Variants in YAF2 observed in about 807,000 individuals in gnomAD.
YAF2 encodes the protein YY1 associated factor 2, also known as YY1-associated factor 2.
YAF2 carries 7 observed loss-of-function variants against 20.1 expected under a neutral mutation model. The ratio of observed to expected loss-of-function variants is 0.35; its 90% CI spans 0.20 to 0.65. The LOEUF (loss-of-function observed/expected upper bound fraction) is 0.65. Ranked by LOEUF, YAF2 falls within the 30% of genes least tolerant of loss-of-function variation. The pLI, the probability that YAF2 is intolerant of heterozygous loss-of-function variation, is 0.69. For missense variants in YAF2, 151 were observed against 219.2 expected (o/e 0.69, Z 1.96); for synonymous variants, 74 against 76.0 (o/e 0.97, Z 0.14).
intron 2 of YAF2, among the ~76,000 whole-genome samples, chr12:42,208,949 C>CT (rs1485563798): frequency 6.6e-6 from 1 of 152,186 alleles, no homozygotes; most frequent in African/African-American, 2.4e-5. Context: ...CAGGACACCA[C>CT]TACGAGCTCT....
chr12:42,218,839 A>G (rs1161492458), intron 2 of YAF2, among the ~76,000 whole-genome samples: 2 of 152,310 alleles, frequency 1.3e-5, no homozygotes, highest in Admixed American at 6.5e-5. Context: ...CCTTAAAAAA[A>G]ACAAATGTGT....
rs544334090 is a variant in YAF2, at chr12:42,235,456, A to C, written c.152+2143T>G. 2.5e-6 allele frequency: 3 copies of C among 1,202,394 alleles called. No individual in the cohort carries two copies. In the South Asian group the frequency reaches 5.1e-5, roughly 21 times the overall value. 74.5% of individuals were successfully genotyped at this position (1,202,394 alleles called of 1,614,324 possible). A position where few individuals can be genotyped will look rare whatever the true frequency, so the allele number is the denominator to read the frequency against. On this transcript the variant is annotated intron_variant, in intron 2 of 3. Coordinates refer to ENST00000534854, the MANE Select transcript of YAF2 (RefSeq NM_005748.6). ...ACCCTGTTCCACACTGTTCTATACA[A>C]ACACAGATTCTACCCTGAATTTCAG...
Position 42,157,779 on chromosome 12 carries a change from C to CATATATATAT in YAF2, c.*2800_*2809dup, listed in dbSNP as rs141305278. 2.3e-4 allele frequency: 35 copies of CATATATATAT among 149,962 alleles called. No homozygotes were observed. Among genetic ancestry groups the CATATATATAT allele is most frequent in the African/African-American group, 8.3e-4 (34 of 40,860 alleles). The allele number at this position is 149,962 out of a possible 1,614,324, so 9.3% of individuals were successfully genotyped here. A position where few individuals can be genotyped will look rare whatever the true frequency, so the allele number is the denominator to read the frequency against. ...AAATTATATTCACTTTTTAAATATA[C>CATATATATAT]ATATATATATATATGTATATTCAAA... On this transcript the variant is annotated 3_prime_UTR_variant, in exon 4 of 4. Coordinates refer to ENST00000534854, the MANE Select transcript of YAF2 (RefSeq NM_005748.6).
chr12:42,185,300 T>A (rs749701052), intron 2 of YAF2, among the ~76,000 whole-genome samples: 1 of 152,230 alleles, frequency 6.6e-6, no homozygotes, highest in Non-Finnish European at 1.5e-5. Context: ...TTATTACAGA[T>A]AAACACACAA....
chr12:42,232,656 T>G, intron 2 of YAF2: 5 of 985,416 alleles, frequency 5.1e-6, no homozygotes, highest in Non-Finnish European at 6.0e-6. Context: ...TTTTCTCCCA[T>G]TCCTACACCA....
At chr12:42,222,209 G>C (rs2067536891) in intron 2 of YAF2, among the ~76,000 whole-genome samples, 1 of 152,028 alleles carries the variant, frequency 6.6e-6, no homozygotes, top group African/African-American at 2.4e-5. Flanking sequence ...AAAGATTTAA[G>C]GAAAACATAC....
At chr12:42,193,158 T>A (rs2066659478) in intron 2 of YAF2, among the ~76,000 whole-genome samples, 1 of 151,806 alleles carries the variant, frequency 6.6e-6, no homozygotes, top group Admixed American at 6.6e-5. Flanking sequence ...CTCCTAAAAA[T>A]ACAAAAATTA....
At position 42,175,922 on chromosome 12, in the gene YAF2, C is replaced by G. The variant is rs2066178298; in HGVS notation, c.153-14157G>C. Among the ~76,000 whole-genome samples, 3 of 151,978 alleles carry G rather than the reference C, an allele frequency of 2.0e-5. No individual in the cohort carries two copies. The South Asian group carries it at 6.2e-4, about 32-fold the overall frequency. The stretch of plus-strand genomic sequence containing the variant: ...TCAGCCCCAATGTCTCCCATAAACT[C>G]CAGACTTCTATAACCAACTACCTAC... On this transcript the variant is annotated intron_variant, in intron 2 of 3. Coordinates refer to ENST00000534854, the MANE Select transcript of YAF2 (RefSeq NM_005748.6).
intron 2 of YAF2, 74 bp from the exon 3 acceptor site, chr12:42,161,839 A>C: frequency 1.5e-4 from 205 of 1,330,504 alleles, no homozygotes; most frequent in Non-Finnish European, 1.9e-4. Context: ...AGAATATCTC[A>C]CATTATGAAA....
At chr12:42,200,140 T>C (rs2066859707) in intron 2 of YAF2, among the ~76,000 whole-genome samples, 1 of 152,204 alleles carries the variant, frequency 6.6e-6, no homozygotes, top group African/African-American at 2.4e-5. Flanking sequence ...CATCTGACCA[T>C]TACAGAGTTT....
At chr12:42,216,560 T>C (rs554068639) in intron 2 of YAF2, among the ~76,000 whole-genome samples, 83 of 152,258 alleles carry the variant, frequency 5.5e-4, no homozygotes, top group Non-Finnish European at 8.5e-4. Context: ...AATAAAGATG[T>C]TCCTCAAAAG....
At chr12:42,212,512 T>C (rs1040661723) in intron 2 of YAF2, 1 of 426,926 alleles carries the variant, frequency 2.3e-6, no homozygotes, top group African/African-American at 2.1e-5. Context: ...GTGTATAGTT[T>C]TTCCTTTAAG....
rs144925821 is a variant in YAF2, at chr12:42,222,989, A to G, written c.152+14610T>C. ...AGTTTCTGGTGTTGGAAACTCAGTA[A>G]AAAGCTGTGTCTTTCATTATCTGTC... is the stretch of plus-strand genomic sequence containing the variant. On this transcript the variant is annotated intron_variant, in intron 2 of 3. Transcript: ENST00000534854. Among the ~76,000 whole-genome samples the G allele has an allele frequency of 1.3e-4, 20 of 152,094 alleles. No homozygotes were observed. The East Asian group carries it at 2.9e-3, about 22-fold the overall frequency.
chr12:42,207,845 C>T (rs1233894645), intron 2 of YAF2, among the ~76,000 whole-genome samples: 3 of 151,738 alleles, frequency 2.0e-5, no homozygotes, highest in African/African-American at 4.8e-5. Flanking sequence ...GAGCCGAGAT[C>T]GTGCCACTGC....
At chr12:42,195,313 C>T (rs374358311) in intron 2 of YAF2, among the ~76,000 whole-genome samples, 2 of 152,228 alleles carry the variant, frequency 1.3e-5, no homozygotes, top group South Asian at 2.1e-4. Context: ...GCACAGGTTA[C>T]GGACAAATTT....
chr12:42,169,801 C>A (rs2066000656), intron 2 of YAF2, among the ~76,000 whole-genome samples: 1 of 152,032 alleles, frequency 6.6e-6, no homozygotes, highest in South Asian at 2.1e-4. Flanking sequence ...AGCTACAAGA[C>A]TAAATTTTAG....
intron 2 of YAF2, among the ~76,000 whole-genome samples, chr12:42,182,338 TATTTTTGCTTTACAG>T (rs1410355263): frequency 6.6e-6 from 1 of 152,160 alleles, no homozygotes; most frequent in Non-Finnish European, 1.5e-5. Flanking sequence ...TGGTAACAGG[TATTTTTGCTTTACAG>T]TTGGAACAAA....
chr12:42,193,513 G>T (rs947981223), intron 2 of YAF2, among the ~76,000 whole-genome samples: 3 of 151,928 alleles, frequency 2.0e-5, no homozygotes, highest in Admixed American at 6.6e-5. Context: ...GTTGTTTTTG[G>T]TTTTTGTTGA....
intron 2 of YAF2, among the ~76,000 whole-genome samples, chr12:42,196,135 C>G (rs1279145558): frequency 6.7e-6 from 1 of 148,470 alleles, no homozygotes; most frequent in Non-Finnish European, 1.5e-5. Context: ...AGCAGAAGAA[C>G]TGCTTGAGCC....
Sources: allele counts gnomAD v4.1 joint callset (sites outside exome capture counted in the v4.1 genomes callset), GRCh38; gene constraint gnomAD v4.1.1; transcripts MANE v1.5; gene names NCBI Gene and HGNC (gene_info 2026-07-23, HGNC 2026-07-21).